Variants in TMEM218 observed in about 807,000 individuals in gnomAD.
TMEM218 encodes the protein transmembrane protein 218.
In TMEM218, 8 loss-of-function variants were observed where a neutral mutation model predicts 10.0. That is an observed-to-expected ratio of 0.80 (90% confidence interval 0.47 to 1.44). TMEM218 has a LOEUF of 1.44. Ranked by LOEUF, TMEM218 falls within the 40% of genes most tolerant of loss-of-function variation. The pLI is 0.00. For synonymous variants in TMEM218, 66 were observed against 63.5 expected, an observed-to-expected ratio of 1.04 and a Z score of -0.18; for missense variants, 110 against 140.1, an observed-to-expected ratio of 0.79 and a Z score of 1.08.
chr11:125,108,590 A>G lies in TMEM218; in HGVS notation c.-153+2949T>C, dbSNP rs930431428. Among the ~76,000 whole-genome samples the G allele has an allele frequency of 5.3e-5, 8 of 152,174 alleles. No individual in the cohort carries two copies. The highest frequency in any genetic ancestry group is 3.3e-4 in the Admixed American group (5 of 15,278). ...GTGTTGTTCTGGCAACTCAAATACC[A>G]CGAGCTGTGCTGCCTTCAGTTATGT... On this transcript the variant is annotated intron_variant, in intron 1 of 4. Coordinates refer to ENST00000682305, the MANE Select transcript of TMEM218 (RefSeq NM_001258244.2). The surrounding 1 kb of genome is among the most constrained non-coding windows in gnomAD (Gnocchi z 5.3).
At chr11:125,109,991 G>C (rs183044464) in intron 1 of TMEM218, among the ~76,000 whole-genome samples, 4 of 152,284 alleles carry the variant, frequency 2.6e-5, no homozygotes, top group South Asian at 4.1e-4. Flanking sequence ...ATATTCCCAA[G>C]CTCTTTTAAG....
intron 1 of TMEM218, chr11:125,103,936 A>G (rs1951494840): frequency 6.6e-6 from 1 of 152,232 alleles, no homozygotes; most frequent in African/African-American, 2.4e-5. Context: ...CGTTTATTGA[A>G]TCAACATTTA....
rs888807899 is a variant in TMEM218, at chr11:125,108,602, G to A, written c.-153+2937C>T. ...CAACTCAAATACCACGAGCTGTGCT[G>A]CCTTCAGTTATGTGATTTGCTAGAG... On this transcript the variant is annotated intron_variant, in intron 1 of 4. Coordinates refer to ENST00000682305, the MANE Select transcript of TMEM218 (RefSeq NM_001258244.2). This position sits in a 1 kb window ranked among gnomAD's most constrained non-coding sequence, Gnocchi z 5.3. Among the ~76,000 whole-genome samples the A allele has an allele frequency of 1.3e-5, 2 of 152,146 alleles. No individual in the cohort carries two copies. Among genetic ancestry groups the A allele is most frequent in the Non-Finnish European group, 2.9e-5 (2 of 68,028 alleles).
In TMEM218 at chr11:125,094,937, G is replaced by A. The variant is rs149600430; in HGVS notation, c.*2669C>T. Among the ~76,000 whole-genome samples the A allele has an allele frequency of 2.8e-3, 431 of 152,284 alleles. 2 individuals are homozygous for A. Among genetic ancestry groups the A allele is most frequent in the African/African-American group, 9.9e-3 (410 of 41,550 alleles). On this transcript the variant is annotated 3_prime_UTR_variant, in exon 5 of 5. Coordinates refer to ENST00000682305, the MANE Select transcript of TMEM218 (RefSeq NM_001258244.2). ...ATATGCTGAATGAATGGCAGGATTC[G>A]AGAATGAATGGCTATGTACTCCCTA...
rs1251001872 is a variant in TMEM218, at chr11:125,102,243, C to T, written c.-2G>A. ...GACTCCGAGCACAGTGCCAGCCATC[C>T]CGCGGGGAGGCAGCGGCGGCCCCCC... On this transcript the variant is annotated 5_prime_UTR_variant, in exon 3 of 5. Transcript: ENST00000682305. 18 of 1,612,428 alleles carry T rather than the reference C, an allele frequency of 1.1e-5. No individual in the cohort carries two copies. The highest frequency in any genetic ancestry group is 1.5e-5 in the Non-Finnish European group (18 of 1,179,404).
chr11:125,107,832 T>C (rs1952617237), intron 1 of TMEM218, among the ~76,000 whole-genome samples: 4 of 144,284 alleles, frequency 2.8e-5, no homozygotes, highest in Admixed American at 2.1e-4. Flanking sequence ...TAAATATGAA[T>C]ATAAAAGATG....
chr11:125,098,183 A>G (rs2135669559), intron 4 of TMEM218, among the ~76,000 whole-genome samples: 1 of 152,352 alleles, frequency 6.6e-6, no homozygotes, highest in South Asian at 2.1e-4. Flanking sequence ...CCCCAAAATC[A>G]TCAATCCATT....
chr11:125,096,585 G>C lies in TMEM218; in HGVS notation c.*1021C>G, dbSNP rs983046598. The C allele has an allele frequency of 4.6e-5, 7 of 152,194 alleles. No homozygotes were observed. The highest frequency in any genetic ancestry group is 1.7e-4 in the African/African-American group (7 of 41,444). 9.4% of individuals were successfully genotyped at this position (152,194 alleles called of 1,614,324 possible). ...AAGGAATTAGTGTGCTATTGGCATA[G>C]AGCACATACTCCATCAGTGATCTCT... On this transcript the variant is annotated 3_prime_UTR_variant, in exon 5 of 5. Transcript: ENST00000682305.
rs73615738 is a variant in TMEM218 at position 125,099,659 on chromosome 11, C to T, written c.213+1542G>A. Among the ~76,000 whole-genome samples, 887 of 152,296 alleles carry T rather than the reference C, an allele frequency of 5.8e-3. 10 individuals carry two copies. The highest frequency in any genetic ancestry group is 0.02 in the African/African-American group (817 of 41,564). ...AGGAAAGCAGCTGGGTGCGGTGGCT[C>T]ACGTCTGTAATCCCAGCACTTTGGG... On this transcript the variant is annotated intron_variant, in intron 4 of 4. Transcript: ENST00000682305.
At chr11:125,109,930 T>A (rs1953343147) in intron 1 of TMEM218, among the ~76,000 whole-genome samples, 1 of 152,196 alleles carries the variant, frequency 6.6e-6, no homozygotes, top group Non-Finnish European at 1.5e-5. Flanking sequence ...AGCTTAAGAG[T>A]TCGTGAGACA....
chr11:125,102,996 A>G (rs1418945053), intron 1 of TMEM218, 187 bp from the exon 2 acceptor site: 1 of 243,624 alleles, frequency 4.1e-6, no homozygotes, highest in African/African-American at 2.3e-5. Flanking sequence ...TAGCAGCTCA[A>G]AATAGAAATT....
chr11:125,101,991 TA>T, intron 3 of TMEM218, 140 bp downstream of exon 3: 2 of 986,400 alleles, frequency 2.0e-6, no homozygotes, highest in Non-Finnish European at 2.8e-6. Context: ...TTAGTGTTTA[TA>T]AAAAGAGGTT....
intron 3 of TMEM218, 82 bp from the exon 4 acceptor site, chr11:125,101,385 G>A (rs1313160875): frequency 8.6e-6 from 13 of 1,515,156 alleles, no homozygotes; most frequent in African/African-American, 1.4e-5. Flanking sequence ...TCTCTTCCTT[G>A]GAGCCAATAT....
chr11:125,110,122 T>C (rs932876567), intron 1 of TMEM218, among the ~76,000 whole-genome samples: 1 of 152,252 alleles, frequency 6.6e-6, no homozygotes, highest in African/African-American at 2.4e-5. Flanking sequence ...CATTTTTATC[T>C]TATTTAAATG....
At chr11:125,111,282 C>A (rs1210971421) in intron 1 of TMEM218, among the ~76,000 whole-genome samples, 5 of 152,220 alleles carry the variant, frequency 3.3e-5, no homozygotes, top group Non-Finnish European at 7.3e-5. Context: ...CTCCCAGGAG[C>A]TAGAGAGGGA....
chr11:125,097,774 C>T, intron 4 of TMEM218, 34 bp from the exon 5 acceptor site: 3 of 1,605,704 alleles, frequency 1.9e-6, no homozygotes, highest in Non-Finnish European at 1.7e-6. Context: ...GAAATTACTA[C>T]CAGTTAGACA....
chr11:125,109,739 T>C (rs745457886), intron 1 of TMEM218, among the ~76,000 whole-genome samples: 1 of 152,236 alleles, frequency 6.6e-6, no homozygotes, highest in Non-Finnish European at 1.5e-5. Flanking sequence ...TCTAGCTTAG[T>C]TGACTGAGCT....
intron 1 of TMEM218, chr11:125,110,668 C>T (rs1953622583): frequency 6.6e-6 from 1 of 152,168 alleles, no homozygotes; most frequent in African/African-American, 2.4e-5. Context: ...GTGGATTCCT[C>T]AGAGGGTAAT....
Position 125,101,192 on chromosome 11 carries a change from C to T in TMEM218, c.213+9G>A. The T allele has an allele frequency of 6.2e-7, 1 of 1,611,626 alleles. No homozygotes were observed. Among genetic ancestry groups the T allele is most frequent in the Non-Finnish European group, 8.5e-7 (1 of 1,178,326 alleles). On this transcript the variant is annotated intron_variant, in intron 4 of 4. Coordinates refer to ENST00000682305, the MANE Select transcript of TMEM218 (RefSeq NM_001258244.2). ...AGCTCAGGAGGCAAAACGAAAGCAA[C>T]AGCTTTACCTTAACTTCCACTTCTG...
Sources: allele counts gnomAD v4.1 joint callset (sites outside exome capture counted in the v4.1 genomes callset), GRCh38; gene constraint gnomAD v4.1.1; non-coding constraint Gnocchi (gnomAD v3.1); transcripts MANE v1.5; gene names NCBI Gene and HGNC (gene_info 2026-07-23, HGNC 2026-07-21).